Variants in OTULIN observed in about 807,000 individuals in gnomAD.
The protein encoded by OTULIN is ubiquitin thioesterase otulin.
In OTULIN, 15 loss-of-function variants were observed where a neutral mutation model predicts 39.6. The observed-to-expected ratio is 0.38, with a 90% CI of 0.25 to 0.58. OTULIN has a LOEUF of 0.58. Ranked by LOEUF, OTULIN falls within the 20% of genes least tolerant of loss-of-function variation. The probability of loss-of-function intolerance (pLI) is 0.66; values close to 1 mark genes in which losing one functional copy is unlikely to be tolerated. For missense variants in OTULIN, 319 were observed against 445.9 expected, an observed-to-expected ratio of 0.72 and a Z score of 2.56; for synonymous variants, 156 against 170.3, an observed-to-expected ratio of 0.92 and a Z score of 0.65.
intron 1 of OTULIN, 89 bp from the exon 2 acceptor site, chr5:14,673,553 A>G: frequency 9.5e-7 from 1 of 1,055,236 alleles, no homozygotes. Flanking sequence ...AACCCTTAGT[A>G]TATTATGCAT....
chr5:14,678,641 A>C lies in OTULIN; in HGVS notation c.230-40A>C, dbSNP rs775807042. 5.0e-6 allele frequency: 7 copies of C among 1,390,434 alleles called. No homozygotes were observed. The Middle Eastern group carries it at 5.5e-4, about 110-fold the overall frequency. 86.1% of individuals were successfully genotyped at this position (1,390,434 alleles called of 1,614,324 possible). A position where few individuals can be genotyped will look rare whatever the true frequency, so the allele number is the denominator to read the frequency against. Reference sequence around the variant, plus strand: ...GAAGCAGTATTCTGATTATGCTTTGATTTATTATTTGCTTTTTTTTTTTTT... The same window carrying C: ...GAAGCAGTATTCTGATTATGCTTTGCTTTATTATTTGCTTTTTTTTTTTTT... On this transcript the variant is annotated intron_variant, in intron 2 of 6. Transcript: ENST00000284274.
At chr5:14,688,111 T>C (rs1205275358) in intron 5 of OTULIN, among the ~76,000 whole-genome samples, 1 of 152,226 alleles carries the variant, frequency 6.6e-6, no homozygotes, top group Admixed American at 6.5e-5. Context: ...AAAACTGTCC[T>C]GAGAGTTTTT....
chr5:14,677,026 C>T (rs1201932012), intron 2 of OTULIN, among the ~76,000 whole-genome samples: 1 of 152,080 alleles, frequency 6.6e-6, no homozygotes, highest in African/African-American at 2.4e-5. Context: ...TCTATGTTAT[C>T]TGTATATGTA....
At chr5:14,692,691 T>TA (rs1281863552) in intron 6 of OTULIN, among the ~76,000 whole-genome samples, 163 bp from the exon 7 acceptor site, 2 of 151,814 alleles carry the variant, frequency 1.3e-5, no homozygotes, top group African/African-American at 4.8e-5. Flanking sequence ...TTTTTTTTTT[T>TA]TTTATTTAAA....
rs929423645 is a variant in OTULIN at position 14,698,386 on chromosome 5, C to T, written c.*5338C>T. ...TCGCCTGCTCTGAAAAACATGCCCC[C>T]GAGGCTCTGTGCAGTTTGGGGCCTT... On this transcript the variant is annotated 3_prime_UTR_variant, in exon 7 of 7. Transcript: ENST00000284274. 6.6e-6 allele frequency: 1 copy of T among 152,212 alleles called. No individual in the cohort carries two copies. Among genetic ancestry groups the T allele is most frequent in the Non-Finnish European group, 1.5e-5 (1 of 68,050 alleles). The allele number at this position is 152,212 out of a possible 1,614,324, so 9.4% of individuals were successfully genotyped here. A position where few individuals can be genotyped will look rare whatever the true frequency, so the allele number is the denominator to read the frequency against.
the OTULIN span, chr5:14,712,775 C>G: frequency 8.2e-7 from 1 of 1,220,110 alleles, no homozygotes; most frequent in Non-Finnish European, 1.2e-6. Flanking sequence ...GGATCCCCCA[C>G]TGACGAACGC....
intron 4 of OTULIN, among the ~76,000 whole-genome samples, chr5:14,685,693 G>A (rs929305726): frequency 6.6e-6 from 1 of 152,174 alleles, no homozygotes; most frequent in East Asian, 1.9e-4. Context: ...GGTCTCCTGA[G>A]TAATTCAGTT....
intron 1 of OTULIN, among the ~76,000 whole-genome samples, 177 bp downstream of exon 1, chr5:14,665,154 T>C (rs1394484146): frequency 6.6e-6 from 1 of 152,236 alleles, no homozygotes; most frequent in East Asian, 1.9e-4. Context: ...AGTGCAGATT[T>C]TTAACCCCAG....
Position 14,690,403 on chromosome 5 carries a change from A to G in OTULIN, c.864+95A>G. 1 of 1,452,984 alleles carries G rather than the reference A, an allele frequency of 6.9e-7. No homozygotes were observed. The highest frequency in any genetic ancestry group is 9.3e-7 in the Non-Finnish European group (1 of 1,074,854). 90.0% of individuals were successfully genotyped at this position (1,452,984 alleles called of 1,614,324 possible). On this transcript the variant is annotated intron_variant, in intron 6 of 6. Coordinates refer to ENST00000284274, the MANE Select transcript of OTULIN (RefSeq NM_138348.6). This position sits in a 1 kb window ranked among gnomAD's most constrained non-coding sequence, Gnocchi z 4.5. The stretch of plus-strand genomic sequence containing the variant: ...GTTTTTGTAGGTCAGAAATTCAGGG[A>G]CAGCTTAGTTGGATGGTTCTGGCTC...
At chr5:14,689,158 T>C (rs191086810) in intron 5 of OTULIN, among the ~76,000 whole-genome samples, 96 of 152,308 alleles carry the variant, frequency 6.3e-4, no homozygotes, top group Non-Finnish European at 1.1e-3. Context: ...TGGTGAAGCC[T>C]TGATTCCATC....
At chr5:14,711,348 T>A in the OTULIN span, 1 of 1,552,872 alleles carries the variant, frequency 6.4e-7, no homozygotes, top group Non-Finnish European at 8.9e-7. Flanking sequence ...GGGCTGTGGA[T>A]GGGGACACTG....
chr5:14,672,746 G>A lies in OTULIN; in HGVS notation c.153-896G>A, dbSNP rs377064091. On this transcript the variant is annotated intron_variant, in intron 1 of 6. Transcript: ENST00000284274. ...CCAGGTTTTCTGACTTGCCTGCCAC[G>A]GATGCCCATCTCCCAGCCTTGGCTT... Among the ~76,000 whole-genome samples, 12 of 152,232 alleles carry A rather than the reference G, an allele frequency of 7.9e-5. No individual in the cohort carries two copies. The East Asian group carries it at 1.2e-3, about 15-fold the overall frequency.
At chr5:14,676,545 C>T (rs1462373640) in intron 2 of OTULIN, among the ~76,000 whole-genome samples, 1 of 152,250 alleles carries the variant, frequency 6.6e-6, no homozygotes, top group African/African-American at 2.4e-5. Flanking sequence ...TTGGCTGTGG[C>T]CTGTGGCTTG....
chr5:14,713,818 G>C, the OTULIN span: 7 of 1,159,834 alleles, frequency 6.0e-6, no homozygotes, highest in East Asian at 1.7e-4. This position sits in a 1 kb window ranked among gnomAD's most constrained non-coding sequence, Gnocchi z 4.4. Flanking sequence ...CTTCCTGCCA[G>C]GGTTCCCCAT....
At position 14,690,647 on chromosome 5, in the gene OTULIN, T is replaced by C. The variant is rs1381824673; in HGVS notation, c.864+339T>C. 6.6e-6 allele frequency among the ~76,000 whole-genome samples: 1 copy of C among 152,064 alleles called. No homozygotes were observed. The highest frequency in any genetic ancestry group is 1.9e-4 in the East Asian group (1 of 5,198). On this transcript the variant is annotated intron_variant, in intron 6 of 6. Transcript: ENST00000284274. This position sits in a 1 kb window ranked among gnomAD's most constrained non-coding sequence, Gnocchi z 4.5. ...CAACATGGCAGCTGGCTTCTCAGAGTGAACTAAGCAGTGAGCAAGAAAGAA... is the reference window on the plus strand; with the variant it reads ...CAACATGGCAGCTGGCTTCTCAGAGCGAACTAAGCAGTGAGCAAGAAAGAA...
intron 1 of OTULIN, among the ~76,000 whole-genome samples, chr5:14,669,848 T>A (rs1358234316): frequency 2.0e-5 from 3 of 152,208 alleles, no homozygotes; most frequent in Non-Finnish European, 4.4e-5. Context: ...ATAGTGATGT[T>A]TTGGTACACA....
intron 4 of OTULIN, among the ~76,000 whole-genome samples, chr5:14,685,487 G>A (rs1016351029): frequency 6.6e-6 from 1 of 152,194 alleles, no homozygotes; most frequent in African/African-American, 2.4e-5. Flanking sequence ...CTCTGAAAGC[G>A]TTTGAAGTTG....
At chr5:14,675,502 T>C (rs1339226947) in intron 2 of OTULIN, among the ~76,000 whole-genome samples, 1 of 152,232 alleles carries the variant, frequency 6.6e-6, no homozygotes, top group Admixed American at 6.5e-5. Context: ...GTCTCTACTC[T>C]GTGGTTGTTC....
At chr5:14,711,209 C>T in the OTULIN span, 6 of 1,613,930 alleles carry the variant, frequency 3.7e-6, no homozygotes, top group Admixed American at 6.7e-5. Flanking sequence ...ATTCATTCTC[C>T]TCTCTCATTT....
Sources: gnomAD v4.1 joint callset for allele counts (sites outside exome capture counted in the v4.1 genomes callset) on GRCh38, gnomAD v4.1.1 for gene constraint, Gnocchi (gnomAD v3.1) non-coding constraint, MANE v1.5 for transcripts, NCBI Gene and HGNC (gene_info 2026-07-23, HGNC 2026-07-21) for gene names.